The following MRGPRX1 variants were observed in gnomAD, a reference collection of about 807,000 sequenced individuals.
The protein encoded by MRGPRX1 is MAS related GPR family member X1.
For synonymous variants in MRGPRX1, 208 were observed against 170.4 expected (o/e 1.22, Z -1.72); for missense variants, 411 against 393.8 (o/e 1.04, Z -0.37).
rs148723670 is a variant in MRGPRX1, at chr11:18,934,690, A to C, written c.95T>G (p.Val32Gly). The C allele has an allele frequency of 4.2e-5, 67 of 1,610,586 alleles. 1 individual carries two copies. The African/African-American group carries it at 4.4e-4, about 11-fold the overall frequency. Residue 32 changes from valine (V) to glycine (G), a missense_variant, in exon 2 of 2, where the codon GTG becomes GGG. Physicochemically the swap from Val to Gly is moderately radical, Grantham distance 109 (BLOSUM62 -3). Coordinates refer to ENST00000526914, the MANE Select transcript of MRGPRX1 (RefSeq NM_001393578.1). Reference protein sequence around the residue: ...LCYKQTLSLTVLTCIVSLVGL... With the variant: ...LCYKQTLSLTGLTCIVSLVGL... ...GACAAGGGAAACGATGCACGTCAGC[A>C]CCGTGAGGCTCAAGGTCTGCTTGTA...
Position 18,934,364 on chromosome 11 carries a change from C to T in MRGPRX1, c.421G>A (p.Val141Met). The part of the protein sequence containing the change: ...RCHRPTHLSA[V>M]VCVLLWALSL... The stretch of plus-strand genomic sequence containing the variant: ...AGGGCCCAGAGCAGGACACACACCA[C>T]CGCTGACAGGTGTGTGGGGCGGTGG... Residue 141 changes from valine (V) to methionine (M), a missense_variant, in exon 2 of 2, where the codon GTG becomes ATG. Physicochemically the swap from Val to Met is conservative, Grantham distance 21. Transcript: ENST00000526914. The T allele has an allele frequency of 1.9e-6, 3 of 1,610,882 alleles. No individual in the cohort carries two copies. The highest frequency in any genetic ancestry group is 2.5e-6 in the Non-Finnish European group (3 of 1,178,150).
chr11:18,935,035 T>C (rs1848829805), intron 1 of MRGPRX1: 1 of 459,244 alleles, frequency 2.2e-6, no homozygotes. Context: ...TGTGCTAACA[T>C]GGGAATAACA....
rs1351183065 is a variant in MRGPRX1 at position 18,933,954 on chromosome 11, G to A, written c.831C>T (p.Ser277=). The A allele has an allele frequency of 6.2e-7, 1 of 1,611,000 alleles. No individual in the cohort carries two copies. The highest frequency in any genetic ancestry group is 2.2e-5 in the East Asian group (1 of 44,802). The change falls in exon 2 of 2, where the codon TCC becomes TCT. Residue 277 remains serine (S), a synonymous_variant. Transcript: ENST00000526914. The part of the protein sequence containing the change: ...ANPIIYFFVG[S]FRQRQNRQNL... ...TCTGCCTATTTTGACGCTGCCTAAA[G>A]GAGCCCACGAAGAAGTAAATGATGG...
intron 1 of MRGPRX1, among the ~76,000 whole-genome samples, 200 bp downstream of exon 1, chr11:18,939,079 TA>T (rs1316245610): frequency 6.6e-6 from 1 of 151,358 alleles, no homozygotes; most frequent in Non-Finnish European, 1.5e-5. Flanking sequence ...TATGGACAGA[TA>T]AATCAAATGG....
At chr11:18,938,237 A>T (rs539604663) in intron 1 of MRGPRX1, among the ~76,000 whole-genome samples, 1 of 151,568 alleles carries the variant, frequency 6.6e-6, no homozygotes, top group South Asian at 2.1e-4. Context: ...GAAATACCTG[A>T]GACTGGGAAA....
At chr11:18,937,852 A>C (rs1848853097) in intron 1 of MRGPRX1, among the ~76,000 whole-genome samples, 1 of 151,598 alleles carries the variant, frequency 6.6e-6, no homozygotes. Context: ...GATGAATGCA[A>C]ACATTTCTGC....
Position 18,934,768 on chromosome 11 carries a change from G to A in MRGPRX1, c.17C>T (p.Ser6Leu), listed in dbSNP as rs1311713354. The A allele has an allele frequency of 1.3e-6, 2 of 1,580,850 alleles. No homozygotes were observed. Among genetic ancestry groups the A allele is most frequent in the Non-Finnish European group, 1.7e-6 (2 of 1,162,764 alleles). The change falls in exon 2 of 2, where the codon TCA (serine) becomes TTA (leucine). Residue 6 changes from serine (S) to leucine (L), a missense_variant. Physicochemically the swap from Ser to Leu is moderately radical, Grantham distance 145. Transcript: ENST00000526914. The stretch of plus-strand genomic sequence containing the variant: ...TGGTGTCAGTTCTGTGTCCAAGGTT[G>A]AGATGGTTGGATCCATGCTCAGAAA... MDPTI[S>L]TLDTELTPIN...
chr11:18,938,389 G>C (rs1403540766), intron 1 of MRGPRX1, among the ~76,000 whole-genome samples: 3 of 151,570 alleles, frequency 2.0e-5, no homozygotes, highest in Non-Finnish European at 2.9e-5. Flanking sequence ...CACATGGTGA[G>C]AGCAGGAGCA....
rs766569025 is a variant in MRGPRX1, at chr11:18,933,769, G to C, written c.*47C>G. 1 of 1,556,514 alleles carries C rather than the reference G, an allele frequency of 6.4e-7. No homozygotes were observed. Among genetic ancestry groups the C allele is most frequent in the South Asian group, 1.2e-5 (1 of 80,554 alleles). The stretch of plus-strand genomic sequence containing the variant: ...CGCATATAATTGTCAAGGGTGGCAG[G>C]GCAGTGTTGCTCTCAAAGTCCTGTC... On this transcript the variant is annotated 3_prime_UTR_variant, in exon 2 of 2. Transcript: ENST00000526914.
At chr11:18,936,215 G>C (rs1200848090) in intron 1 of MRGPRX1, among the ~76,000 whole-genome samples, 1 of 150,950 alleles carries the variant, frequency 6.6e-6, no homozygotes, top group East Asian at 2.0e-4. Flanking sequence ...GCACGACTCT[G>C]TGTCGATTAT....
chr11:18,938,439 T>C (rs1331079564), intron 1 of MRGPRX1, among the ~76,000 whole-genome samples: 1 of 151,490 alleles, frequency 6.6e-6, no homozygotes, highest in East Asian at 1.9e-4. Flanking sequence ...TTTAAACAAC[T>C]AGATTGCATG....
chr11:18,933,678 A>T lies in MRGPRX1; in HGVS notation c.*138T>A. 7.1e-7 allele frequency: 1 copy of T among 1,416,050 alleles called. No individual in the cohort carries two copies. The highest frequency in any genetic ancestry group is 9.5e-7 in the Non-Finnish European group (1 of 1,050,098). 87.7% of individuals were successfully genotyped at this position (1,416,050 alleles called of 1,614,324 possible). On this transcript the variant is annotated 3_prime_UTR_variant, in exon 2 of 2. Transcript: ENST00000526914. ...GTGAAAACCGCAACTGTCAGGTTAGATAAACATCTATTTGAAGACCTTGAG... is the reference window on the plus strand; with the variant it reads ...GTGAAAACCGCAACTGTCAGGTTAGTTAAACATCTATTTGAAGACCTTGAG...
At chr11:18,936,625 A>T (rs1848843140) in intron 1 of MRGPRX1, among the ~76,000 whole-genome samples, 1 of 151,356 alleles carries the variant, frequency 6.6e-6, no homozygotes, top group South Asian at 2.1e-4. Context: ...TCTGTTATCC[A>T]CAGGCAGGGC....
rs137866403 is a variant in MRGPRX1, at chr11:18,933,966, G to T, written c.819C>A (p.Phe273Leu). 3.3e-5 allele frequency: 53 copies of T among 1,610,856 alleles called. 1 individual carries two copies. In the Middle Eastern group the frequency reaches 4.9e-4, roughly 15 times the overall value. ...GACGCTGCCTAAAGGAGCCCACGAA[G>T]AAGTAAATGATGGGGTTGGCACTGC... ...LNSSANPIIY[F>L]FVGSFRQRQN... The change falls in exon 2 of 2, where the codon TTC becomes TTA. Residue 273 changes from phenylalanine (F) to leucine (L), a missense_variant. Phe to Leu is a conservative substitution (Grantham distance 22). Coordinates refer to ENST00000526914, the MANE Select transcript of MRGPRX1 (RefSeq NM_001393578.1).
intron 1 of MRGPRX1, chr11:18,935,419 A>G (rs937646948): frequency 1.3e-5 from 2 of 151,652 alleles, no homozygotes; most frequent in African/African-American, 2.4e-5. Flanking sequence ...TGAGAAGCCT[A>G]ATGGTAATGG....
intron 1 of MRGPRX1, chr11:18,935,119 T>G: frequency 4.2e-6 from 1 of 239,120 alleles, no homozygotes; most frequent in Non-Finnish European, 8.1e-6. Flanking sequence ...GGCCTGAAAT[T>G]TTCTCTCAGG....
intron 1 of MRGPRX1, among the ~76,000 whole-genome samples, chr11:18,938,239 A>C (rs1217782244): frequency 6.6e-6 from 1 of 151,466 alleles, no homozygotes; most frequent in Non-Finnish European, 1.5e-5. Context: ...AATACCTGAG[A>C]CTGGGAAATT....
chr11:18,934,730 C>T lies in MRGPRX1; in HGVS notation c.55G>A (p.Glu19Lys). Residue 19 changes from glutamate to lysine, a missense_variant, in exon 2 of 2, where the codon GAG (glutamate) becomes AAG (lysine). Coordinates refer to ENST00000526914, the MANE Select transcript of MRGPRX1 (RefSeq NM_001393578.1). ...GTCTGCTTGTAGCAAAGAGTCTCCT[C>T]AGTTCCGTTGATTGGTGTCAGTTCT... ...DTELTPINGTEETLCYKQTLS... is the reference protein window; with the variant it reads ...DTELTPINGTKETLCYKQTLS... 1 of 1,605,594 alleles carries T rather than the reference C, an allele frequency of 6.2e-7. No individual in the cohort carries two copies. Among genetic ancestry groups the T allele is most frequent in the Non-Finnish European group, 8.5e-7 (1 of 1,175,804 alleles).
At chr11:18,936,229 T>C (rs1309920365) in intron 1 of MRGPRX1, among the ~76,000 whole-genome samples, 4 of 150,654 alleles carry the variant, frequency 2.7e-5, no homozygotes, top group African/African-American at 9.8e-5. Context: ...CGATTATACA[T>C]GTTAGAGCGG....
Sources: allele counts gnomAD v4.1 joint callset (sites outside exome capture counted in the v4.1 genomes callset), GRCh38; gene constraint gnomAD v4.1.1; transcripts MANE v1.5; gene names NCBI Gene and HGNC (gene_info 2026-07-23, HGNC 2026-07-21).